The following SCUBE2 variants were observed in gnomAD, a reference collection of about 807,000 sequenced individuals.
SCUBE2 encodes the protein signal peptide, CUB domain and EGF like domain containing 2, also known as signal peptide, CUB and EGF-like domain-containing protein 2.
In SCUBE2, 114 loss-of-function variants were observed where a neutral mutation model predicts 125.9. The observed-to-expected ratio is 0.91, with a 90% CI of 0.78 to 1.06. SCUBE2 has a LOEUF of 1.06. Among genes scored for constraint, SCUBE2 ranks in the 50% least tolerant of loss-of-function variants. The pLI, the probability that SCUBE2 is intolerant of heterozygous loss-of-function variation, is 0.00. For missense variants in SCUBE2, 1,255 were observed against 1,301.8 expected (o/e 0.96, Z 0.55); for synonymous variants, 459 against 492.9 (o/e 0.93, Z 0.91).
At chr11:9,078,526 C>A (rs768898600) in intron 3 of SCUBE2, among the ~76,000 whole-genome samples, 2 of 152,216 alleles carry the variant, frequency 1.3e-5, no homozygotes, top group Non-Finnish European at 2.9e-5. Flanking sequence ...AGCATTTAAT[C>A]AAAGGGCCAT....
At chr11:9,083,061 G>A (rs1010286891) in intron 2 of SCUBE2, among the ~76,000 whole-genome samples, 4 of 130,396 alleles carry the variant, frequency 3.1e-5, no homozygotes, top group Admixed American at 8.0e-5. Flanking sequence ...ATATAGAAAG[G>A]TAAAACCAGA....
intron 2 of SCUBE2, among the ~76,000 whole-genome samples, chr11:9,082,800 T>A (rs1479021129): frequency 6.6e-6 from 1 of 152,228 alleles, no homozygotes; most frequent in Non-Finnish European, 1.5e-5. Context: ...AGTAGATTAC[T>A]GGTTGCTTGA....
At chr11:9,081,200 T>C (rs899618828) in intron 2 of SCUBE2, among the ~76,000 whole-genome samples, 6 of 152,172 alleles carry the variant, frequency 3.9e-5, no homozygotes, top group African/African-American at 2.4e-5. Flanking sequence ...GGCAGTATCT[T>C]TTCTTTTCTT....
intron 2 of SCUBE2, among the ~76,000 whole-genome samples, chr11:9,082,924 C>T (rs539471247): frequency 4.6e-5 from 7 of 152,128 alleles, no homozygotes; most frequent in Non-Finnish European, 8.8e-5. Context: ...CTAAAAATCA[C>T]TGACTTGCAC....
chr11:9,064,567 C>T (rs1038286588), intron 7 of SCUBE2: 1 of 151,688 alleles, frequency 6.6e-6, no homozygotes, highest in African/African-American at 2.4e-5. Context: ...GAAGAAACAG[C>T]TCGAAGAATT....
Position 9,021,931 on chromosome 11 carries a change from T to C in SCUBE2, c.2879A>G (p.Asp960Gly). ...ATAGAGCCTGCCATCTCGAACTATG[T>C]CTTCAATGAGTTCCTGGTAGTCCTC... is the stretch of plus-strand genomic sequence containing the variant. Reference protein sequence around the residue: ...YDEDYQELIEDIVRDGRLYAS... With the variant: ...YDEDYQELIEGIVRDGRLYAS... The change falls in exon 22 of 23, where the codon GAC becomes GGC. Residue 960 changes from aspartate to glycine, a missense_variant. Asp to Gly is a moderately conservative substitution (Grantham distance 94). Coordinates refer to ENST00000649792, the MANE Select transcript of SCUBE2 (RefSeq NM_001367977.2). The C allele has an allele frequency of 1.9e-6, 3 of 1,613,842 alleles. No homozygotes were observed. The highest frequency in any genetic ancestry group is 1.7e-5 in the Admixed American group (1 of 60,034).
intron 7 of SCUBE2, 94 bp downstream of exon 7, chr11:9,065,797 G>T: frequency 9.7e-7 from 1 of 1,033,912 alleles, no homozygotes; most frequent in Non-Finnish European, 1.5e-6. Context: ...GCTGGTCTGA[G>T]GGCATGTGGC....
chr11:9,020,911 A>T lies in SCUBE2; in HGVS notation c.*134T>A. ...ATTTACCAAAATATCTGTATTATCTATAAAAATTGAACTCTAATGAGTCAC... is the reference window on the plus strand; with the variant it reads ...ATTTACCAAAATATCTGTATTATCTTTAAAAATTGAACTCTAATGAGTCAC... On this transcript the variant is annotated 3_prime_UTR_variant, in exon 23 of 23. Transcript: ENST00000649792. 5.6e-6 allele frequency: 4 copies of T among 711,898 alleles called. No individual in the cohort carries two copies. Among genetic ancestry groups the T allele is most frequent in the South Asian group, 2.9e-5 (1 of 34,578 alleles). 44.1% of individuals were successfully genotyped at this position (711,898 alleles called of 1,614,324 possible).
At chr11:9,074,407 A>AGT in intron 4 of SCUBE2, 74 bp downstream of exon 4, 15 of 1,542,762 alleles carry the variant, frequency 9.7e-6, no homozygotes, top group Non-Finnish European at 1.1e-5. Context: ...CTCTAGAGTC[A>AGT]GTGTGTGTGT....
chr11:9,077,353 C>T (rs1861286258), intron 3 of SCUBE2, among the ~76,000 whole-genome samples: 1 of 152,140 alleles, frequency 6.6e-6, no homozygotes, highest in Non-Finnish European at 1.5e-5. Context: ...TGATGAGCTC[C>T]CAGACACTCC....
chr11:9,060,537 TAAGAA>T lies in SCUBE2; in HGVS notation c.851-18_851-14del. On this transcript the variant is annotated splice_polypyrimidine_tract_variant and intron_variant, in intron 7 of 22. Transcript: ENST00000649792. ...ACAGCACACGTTTCTGGCAAGGAGGTAAGAAAAGACAATTAGCTTCCCAAAGAAGT... is the reference window on the plus strand; with the variant it reads ...ACAGCACACGTTTCTGGCAAGGAGGTAAGACAATTAGCTTCCCAAAGAAGT... 2 of 1,607,010 alleles carry T rather than the reference TAAGAA, an allele frequency of 1.2e-6. No individual in the cohort carries two copies. The highest frequency in any genetic ancestry group is 1.7e-6 in the Non-Finnish European group (2 of 1,174,760).
chr11:9,073,008 G>A (rs1008246428), intron 4 of SCUBE2, among the ~76,000 whole-genome samples: 2 of 152,142 alleles, frequency 1.3e-5, no homozygotes, highest in African/African-American at 4.8e-5. Context: ...GTAACTGGGT[G>A]GGACCCAGAC....
intron 3 of SCUBE2, among the ~76,000 whole-genome samples, chr11:9,077,634 G>T (rs1455230013): frequency 6.6e-6 from 1 of 152,190 alleles, no homozygotes. Context: ...TTTCAAATCT[G>T]AATGTTGGGG....
At chr11:9,087,828 A>T (rs2136006904) in intron 2 of SCUBE2, among the ~76,000 whole-genome samples, 1 of 152,324 alleles carries the variant, frequency 6.6e-6, no homozygotes, top group Middle Eastern at 3.4e-3. Flanking sequence ...TAAGACAAGG[A>T]GATGGGTGGA....
Position 9,090,627 on chromosome 11 carries a change from C to T in SCUBE2, c.133+769G>A, listed in dbSNP as rs752404207. Among the ~76,000 whole-genome samples the T allele has an allele frequency of 2.0e-5, 3 of 151,846 alleles. 1 individual carries two copies. The highest frequency in any genetic ancestry group is 7.3e-5 in the African/African-American group (3 of 41,292). ...TAGAGTATTTATGGGAAGTCTGCCC[C>T]GGGATCGGAGCAGATGTCATCCAGG... On this transcript the variant is annotated intron_variant, in intron 1 of 22. Transcript: ENST00000649792.
At position 9,025,893 on chromosome 11, in the gene SCUBE2, C is replaced by T. The variant is rs769784932; in HGVS notation, c.2702-39G>A. 1.0e-5 allele frequency: 16 copies of T among 1,596,788 alleles called. 1 individual carries two copies. The Middle Eastern group carries it at 1.7e-3, about 166-fold the overall frequency. ...TTGGAGAAGGGTGGGGTTCAAGACTCATCACTGATCAGGCATAGAGTAGAT... is the reference window on the plus strand; with the variant it reads ...TTGGAGAAGGGTGGGGTTCAAGACTTATCACTGATCAGGCATAGAGTAGAT... On this transcript the variant is annotated intron_variant, in intron 20 of 22. Coordinates refer to ENST00000649792, the MANE Select transcript of SCUBE2 (RefSeq NM_001367977.2).
At chr11:9,046,153 C>T (rs1034227726) in intron 16 of SCUBE2, among the ~76,000 whole-genome samples, 1 of 151,872 alleles carries the variant, frequency 6.6e-6, no homozygotes, top group Non-Finnish European at 1.5e-5. Flanking sequence ...AGTATAGGCA[C>T]GCGCCACCAC....
intron 7 of SCUBE2, 50 bp from the exon 8 acceptor site, chr11:9,060,574 A>G (rs747406657): frequency 1.3e-6 from 2 of 1,499,562 alleles, no homozygotes; most frequent in African/African-American, 1.4e-5. Flanking sequence ...AAGTGCTGAT[A>G]CAGCTGACGA....
chr11:9,033,928 A>T, intron 16 of SCUBE2, 132 bp from the exon 17 acceptor site: 1 of 829,274 alleles, frequency 1.2e-6, no homozygotes, highest in South Asian at 1.6e-5. Context: ...CTGAATACGC[A>T]GTGTGCCCTG....
Sources: allele counts gnomAD v4.1 joint callset (sites outside exome capture counted in the v4.1 genomes callset), GRCh38; gene constraint gnomAD v4.1.1; transcripts MANE v1.5; gene names NCBI Gene and HGNC (gene_info 2026-07-23, HGNC 2026-07-21).